The following GRIA3 variants were observed in gnomAD, a reference collection of about 807,000 sequenced individuals.
GRIA3 encodes glutamate ionotropic receptor AMPA type subunit 3.
GRIA3 carries 3 observed loss-of-function variants against 63.0 expected under a neutral mutation model. The ratio of observed to expected loss-of-function variants is 0.05; its 90% CI spans 0.02 to 0.12. The LOEUF (loss-of-function observed/expected upper bound fraction) is 0.12, where lower values mean the gene tolerates loss of function less well. GRIA3 is among the 10% of genes least tolerant of loss of function. The probability of loss-of-function intolerance (pLI) is 1.00; values close to 1 mark genes in which losing one functional copy is unlikely to be tolerated. For synonymous variants in GRIA3, 274 were observed against 257.9 expected, an observed-to-expected ratio of 1.06 and a Z score of -0.60; for missense variants, 347 against 700.9, an observed-to-expected ratio of 0.50 and a Z score of 5.70.
chrX:123,450,903 G>A (rs774875680), intron 12 of GRIA3, among the ~76,000 whole-genome samples: 8 of 111,777 alleles, frequency 7.2e-5, no homozygotes, highest in African/African-American at 2.3e-4. Flanking sequence ...GTGGAGTTGC[G>A]TGGAGAGAAA....
At chrX:123,463,601 AGGGAGGGAG>A (rs1569440773) in intron 12 of GRIA3, among the ~76,000 whole-genome samples, 4 of 32,335 alleles carry the variant, frequency 1.2e-4, no homozygotes, top group Non-Finnish European at 2.0e-4. Context: ...GGAGGGAGGG[AGGGAGGGAG>A]GGAAAGAAAG....
chrX:123,319,206 G>A (rs1187263125), intron 3 of GRIA3, among the ~76,000 whole-genome samples: 1 of 111,834 alleles, frequency 8.9e-6, no homozygotes, highest in Non-Finnish European at 1.9e-5. Context: ...ATCACCTACA[G>A]TATTCAGTAC....
In GRIA3 at chrX:123,371,159, T is replaced by A. The variant is rs185127670; in HGVS notation, c.750+16196T>A. 2.5e-3 allele frequency among the ~76,000 whole-genome samples: 278 copies of A among 110,185 alleles called. 3 individuals are homozygous for A. The highest frequency in any genetic ancestry group is 6.3e-3 in the South Asian group (16 of 2,525). On this transcript the variant is annotated intron_variant, in intron 5 of 15. Coordinates refer to ENST00000620443, the MANE Select transcript of GRIA3 (RefSeq NM_007325.5). ...ATTTGTCTTTCTGTGCCTGGCTTAT[T>A]TCTCTTAGCATAATGACCTCCAGTT...
At chrX:123,200,802 T>C (rs1345615004) in intron 2 of GRIA3, among the ~76,000 whole-genome samples, 1 of 111,452 alleles carries the variant, frequency 9.0e-6, no homozygotes, top group East Asian at 2.8e-4. Context: ...CTGGTCTTTT[T>C]TGGGATGATC....
intron 5 of GRIA3, among the ~76,000 whole-genome samples, chrX:123,370,141 G>C (rs778287901): frequency 8.9e-6 from 1 of 112,135 alleles, no homozygotes; most frequent in East Asian, 2.8e-4. Flanking sequence ...CAAATGAAAT[G>C]TCTTAAAGAT....
intron 2 of GRIA3, among the ~76,000 whole-genome samples, chrX:123,202,107 A>G (rs968874507): frequency 8.9e-6 from 1 of 112,730 alleles, no homozygotes; most frequent in Non-Finnish European, 1.9e-5. Context: ...TTACAGTCAG[A>G]GGACTATTCA....
At chrX:123,275,521 C>T (rs7052603) in intron 3 of GRIA3, among the ~76,000 whole-genome samples, 41,059 of 111,140 alleles carry the variant, frequency 0.37, 6,587 homozygotes, top group African/African-American at 0.62. Context: ...GCAAGAGACA[C>T]CCATTTGTCA....
chrX:123,441,595 C>G (rs1450880851), intron 12 of GRIA3, among the ~76,000 whole-genome samples: 1 of 111,694 alleles, frequency 9.0e-6, no homozygotes, highest in Non-Finnish European at 1.9e-5. Context: ...CAAAATCCAT[C>G]TACACTTTTG....
chrX:123,259,851 C>T (rs574418354), intron 3 of GRIA3, among the ~76,000 whole-genome samples: 2 of 111,748 alleles, frequency 1.8e-5, no homozygotes, highest in African/African-American at 3.3e-5. Context: ...AACAGTTGAA[C>T]ACAACTATTA....
chrX:123,262,171 C>T (rs2044464072), intron 3 of GRIA3, among the ~76,000 whole-genome samples: 1 of 111,610 alleles, frequency 9.0e-6, no homozygotes, highest in Non-Finnish European at 1.9e-5. Context: ...ACAATTAAAG[C>T]CAAGGCAGGG....
At chrX:123,314,492 T>C (rs2044819041) in intron 3 of GRIA3, among the ~76,000 whole-genome samples, 1 of 111,850 alleles carries the variant, frequency 8.9e-6, no homozygotes. Context: ...ATATCAGATA[T>C]TGTGTGGGTG....
chrX:123,283,145 G>A (rs1362472766), intron 3 of GRIA3, among the ~76,000 whole-genome samples: 1 of 111,316 alleles, frequency 9.0e-6, no homozygotes, highest in African/African-American at 3.3e-5. Context: ...ACAAGGGGTC[G>A]GGGAACTCCC....
chrX:123,318,738 G>A (rs2147327944), intron 3 of GRIA3, among the ~76,000 whole-genome samples: 1 of 111,431 alleles, frequency 9.0e-6, no homozygotes, highest in Non-Finnish European at 1.9e-5. Flanking sequence ...GTCTTCTTCT[G>A]AGCCCTCCAA....
intron 3 of GRIA3, among the ~76,000 whole-genome samples, chrX:123,303,099 T>C (rs951893771): frequency 5.4e-5 from 6 of 111,450 alleles, no homozygotes; most frequent in Non-Finnish European, 9.5e-5. Flanking sequence ...TGTTAATGCA[T>C]TTAGATTTTA....
chrX:123,416,897 A>T (rs1341393130), intron 10 of GRIA3, among the ~76,000 whole-genome samples: 7 of 112,667 alleles, frequency 6.2e-5, no homozygotes, highest in African/African-American at 3.2e-5. Flanking sequence ...TTCAAGAATA[A>T]CATAAGACAG....
At chrX:123,277,296 T>G (rs2044560322) in intron 3 of GRIA3, among the ~76,000 whole-genome samples, 1 of 111,683 alleles carries the variant, frequency 9.0e-6, no homozygotes, top group Non-Finnish European at 1.9e-5. Context: ...TATTTTAAAA[T>G]ATACAATTAA....
chrX:123,369,406 A>T (rs1254995679), intron 5 of GRIA3, among the ~76,000 whole-genome samples: 1 of 111,911 alleles, frequency 8.9e-6, no homozygotes, highest in African/African-American at 3.3e-5. Flanking sequence ...CTCTTAATAC[A>T]ACTATGCCTA....
rs2045156994 is a variant in GRIA3, at chrX:123,359,759, C to T, written c.750+4796C>T. On this transcript the variant is annotated intron_variant, in intron 5 of 15. Coordinates refer to ENST00000620443, the MANE Select transcript of GRIA3 (RefSeq NM_007325.5). ...ACAAAACAAAACAAAAACCCACAAA[C>T]AATTGAAGTGCCCAGGGGAGAACAT... Among the ~76,000 whole-genome samples, 2 of 111,756 alleles carry T rather than the reference C, an allele frequency of 1.8e-5. 1 individual carries two copies. The highest frequency in any genetic ancestry group is 1.9e-4 in the Admixed American group (2 of 10,564).
intron 14 of GRIA3, 118 bp from the exon 15 acceptor site, chrX:123,482,681 T>C: frequency 1.2e-6 from 1 of 834,372 alleles, no homozygotes. Context: ...GTCATAACAC[T>C]TACATCAATG....
Sources: gnomAD v4.1 joint callset for allele counts (sites outside exome capture counted in the v4.1 genomes callset) on GRCh38, gnomAD v4.1.1 for gene constraint, MANE v1.5 for transcripts, NCBI Gene and HGNC (gene_info 2026-07-23, HGNC 2026-07-21) for gene names.